The following PCDHGA4 variants were observed in gnomAD, a reference collection of about 807,000 sequenced individuals.
The protein encoded by PCDHGA4 is protocadherin gamma subfamily A, 4.
PCDHGA4 carries 38 observed loss-of-function variants against 54.6 expected under a neutral mutation model. The observed-to-expected ratio is 0.70, with a 90% confidence interval of 0.54 to 0.91. The LOEUF (loss-of-function observed/expected upper bound fraction) is 0.91, where lower values mean the gene tolerates loss of function less well. PCDHGA4 is among the 40% of genes least tolerant of loss of function. The pLI is 0.00. For missense variants in PCDHGA4, 1,298 were observed against 1,220.9 expected (o/e 1.06, Z -0.94); for synonymous variants, 511 against 512.9 (o/e 1.00, Z 0.05).
Position 141,459,563 on chromosome 5 carries a change from C to T in PCDHGA4, c.2515-35244C>T, listed in dbSNP as rs1382676727. On this transcript the variant is annotated intron_variant, in intron 1 of 3. Coordinates refer to ENST00000571252, the MANE Select transcript of PCDHGA4 (RefSeq NM_018917.4). ...TTTTATTTCTCTTGGATAAATACCCCAAAACAGAATTGTTTTGGGGGTCAT... is the reference window on the plus strand; with the variant it reads ...TTTTATTTCTCTTGGATAAATACCCTAAAACAGAATTGTTTTGGGGGTCAT... Among the ~76,000 whole-genome samples, 21 of 152,044 alleles carry T rather than the reference C, an allele frequency of 1.4e-4. 1 individual carries two copies.
At chr5:141,419,747 C>T (rs1322393151) in intron 1 of PCDHGA4, 3 of 1,613,840 alleles carry the variant, frequency 1.9e-6, no homozygotes, top group Admixed American at 1.7e-5. Context: ...GCGCATGGTG[C>T]GTGCTTTGGG....
chr5:141,364,320 G>C (rs777179865), intron 1 of PCDHGA4: 7 of 1,526,276 alleles, frequency 4.6e-6, no homozygotes, highest in Non-Finnish European at 6.1e-6. Flanking sequence ...AAATTGGGCA[G>C]AGAGAAGGCA....
In PCDHGA4 at chr5:141,511,261, G is replaced by A; in HGVS notation, c.*88G>A. On this transcript the variant is annotated 3_prime_UTR_variant, in exon 4 of 4. Transcript: ENST00000571252. The stretch of plus-strand genomic sequence containing the variant: ...CTGCACCCAGGCCTCAGAGTTTCAG[G>A]GCTAACCCCCAGAATACTGGTAGGG... 2 of 1,557,474 alleles carry A rather than the reference G, an allele frequency of 1.3e-6. No homozygotes were observed. The highest frequency in any genetic ancestry group is 1.4e-5 in the African/African-American group (1 of 73,440).
At chr5:141,423,228 CA>C in intron 1 of PCDHGA4, 1 of 1,613,866 alleles carries the variant, frequency 6.2e-7, no homozygotes, top group Non-Finnish European at 8.5e-7. Flanking sequence ...CTGTGGCCGA[CA>C]GCATCCCCGA....
intron 1 of PCDHGA4, chr5:141,389,294 A>T (rs776760884): frequency 1.2e-6 from 2 of 1,613,964 alleles, no homozygotes; most frequent in Non-Finnish European, 1.7e-6. Flanking sequence ...CCTCTATTTC[A>T]CAAGTCAGGG....
rs2099455203 is a variant in PCDHGA4 at position 141,478,427 on chromosome 5, C to T, written c.2515-16380C>T. The T allele has an allele frequency of 1.9e-6, 3 of 1,613,742 alleles. No individual in the cohort carries two copies. Among genetic ancestry groups the T allele is most frequent in the Non-Finnish European group, 2.5e-6 (3 of 1,180,014 alleles). On this transcript the variant is annotated intron_variant, in intron 1 of 3. Coordinates refer to ENST00000571252, the MANE Select transcript of PCDHGA4 (RefSeq NM_018917.4). ...CACCACGGACTCCCGCCGCAGCGAC[C>T]CGCTGCTGAAGAAACCTGGTGCAGC...
rs202006594 is a variant in PCDHGA4, at chr5:141,477,618, C to A, written c.2515-17189C>A. 15 of 1,614,176 alleles carry A rather than the reference C, an allele frequency of 9.3e-6. No homozygotes were observed. The African/African-American group carries it at 1.3e-4, about 14-fold the overall frequency. ...TCTTTCTTTCTCTTGGAGCAAGGAGCTGAAACCGGGCTAGTGGGTCGCTAT... is the reference window on the plus strand; with the variant it reads ...TCTTTCTTTCTCTTGGAGCAAGGAGATGAAACCGGGCTAGTGGGTCGCTAT... On this transcript the variant is annotated intron_variant, in intron 1 of 3. Coordinates refer to ENST00000571252, the MANE Select transcript of PCDHGA4 (RefSeq NM_018917.4). The surrounding 1 kb of genome is among the most constrained non-coding windows in gnomAD (Gnocchi z 4.9).
chr5:141,415,860 A>G (rs2095965840), intron 1 of PCDHGA4: 3 of 1,175,636 alleles, frequency 2.6e-6, no homozygotes, highest in Middle Eastern at 3.1e-4. Context: ...CTTGTAGTTT[A>G]TAGTGTTGTT....
intron 1 of PCDHGA4, chr5:141,364,631 C>T: frequency 6.2e-7 from 1 of 1,614,122 alleles, no homozygotes; most frequent in African/African-American, 1.3e-5. Flanking sequence ...TCAGAGCCCA[C>T]TGTGTGTGGT....
chr5:141,374,042 C>T (rs757758510), intron 1 of PCDHGA4: 1 of 1,460,408 alleles, frequency 6.8e-7, no homozygotes, highest in Admixed American at 2.7e-5. Context: ...CAGATCTGTT[C>T]TTCCTCTTCT....
At chr5:141,437,150 A>T (rs572721302) in intron 1 of PCDHGA4, among the ~76,000 whole-genome samples, 1 of 152,328 alleles carries the variant, frequency 6.6e-6, no homozygotes, top group East Asian at 1.9e-4. Flanking sequence ...CATAATTAAC[A>T]TATGTGTTGA....
chr5:141,390,583 AATGAG>A (rs1352765004), intron 1 of PCDHGA4: 1 of 348,204 alleles, frequency 2.9e-6, no homozygotes, highest in Non-Finnish European at 5.2e-6. Context: ...CTAAAAAGTG[AATGAG>A]ATTTTTCCTA....
At chr5:141,503,598 CAAAAAAAAAAAA>C (rs765754054) in intron 2 of PCDHGA4, among the ~76,000 whole-genome samples, 11 of 65,762 alleles carry the variant, frequency 1.7e-4, no homozygotes, top group Admixed American at 3.4e-4. Context: ...GACTCCAGCT[CAAAAAAAAAAAA>C]AAAAGAAAAA....
intron 1 of PCDHGA4, chr5:141,414,381 T>A: frequency 6.2e-7 from 1 of 1,613,866 alleles, no homozygotes. Context: ...AAAAGTCCAT[T>A]GACAGTTATT....
At chr5:141,440,030 G>A (rs780807702) in intron 1 of PCDHGA4, 2 of 153,028 alleles carry the variant, frequency 1.3e-5, no homozygotes, top group African/African-American at 2.4e-5. Context: ...ACTCAGTGTC[G>A]AGGACATGCC....
chr5:141,504,836 C>A (rs550489904), intron 2 of PCDHGA4, among the ~76,000 whole-genome samples: 2 of 152,200 alleles, frequency 1.3e-5, no homozygotes, highest in East Asian at 3.9e-4. Context: ...TTTTCTCTAG[C>A]TCTGGAACAT....
Position 141,489,560 on chromosome 5 carries a change from A to C in PCDHGA4, c.2515-5247A>C, listed in dbSNP as rs749076412. On this transcript the variant is annotated intron_variant, in intron 1 of 3. Coordinates refer to ENST00000571252, the MANE Select transcript of PCDHGA4 (RefSeq NM_018917.4). This position sits in a 1 kb window ranked among gnomAD's most constrained non-coding sequence, Gnocchi z 4.5. Reference sequence around the variant, plus strand: ...AGCACCAGCTGCCTGCTGCCAGTGCAGGTGGTGACTGAACACCCCCTGGAG... The same window carrying C: ...AGCACCAGCTGCCTGCTGCCAGTGCCGGTGGTGACTGAACACCCCCTGGAG... 2 of 1,614,142 alleles carry C rather than the reference A, an allele frequency of 1.2e-6. No individual in the cohort carries two copies. Among genetic ancestry groups the C allele is most frequent in the Admixed American group, 3.3e-5 (2 of 60,024 alleles).
chr5:141,370,343 T>G (rs1460750317), intron 1 of PCDHGA4: 1 of 1,482,818 alleles, frequency 6.7e-7, no homozygotes, highest in African/African-American at 1.4e-5. Context: ...CTTGGGATTA[T>G]TTAAAGATCT....
At chr5:141,365,866 T>C (rs1335120625) in intron 1 of PCDHGA4, 1 of 1,614,068 alleles carries the variant, frequency 6.2e-7, no homozygotes, top group South Asian at 1.1e-5. Flanking sequence ...CTGACACCGG[T>C]GTCCTGTATG....
Sources: gnomAD v4.1 joint callset for allele counts (sites outside exome capture counted in the v4.1 genomes callset) on GRCh38, gnomAD v4.1.1 for gene constraint, Gnocchi (gnomAD v3.1) non-coding constraint, MANE v1.5 for transcripts, NCBI Gene and HGNC (gene_info 2026-07-23, HGNC 2026-07-21) for gene names.